DLG1: variants seen among roughly 807,000 people sequenced by gnomAD.
The protein encoded by DLG1 is discs large MAGUK scaffold protein 1.
DLG1 carries 42 observed loss-of-function variants against 123.4 expected under a neutral mutation model. That is an observed-to-expected ratio of 0.34 (90% CI 0.27 to 0.44). The LOEUF (loss-of-function observed/expected upper bound fraction) is 0.44. Ranked by LOEUF, DLG1 falls within the 20% of genes least tolerant of loss-of-function variation. DLG1 has a pLI of 1.00. For synonymous variants in DLG1, 317 were observed against 356.2 expected (o/e 0.89, Z 1.24); for missense variants, 942 against 1,082.6 (o/e 0.87, Z 1.82).
chr3:197,177,997 C>G (rs905809776), intron 5 of DLG1, among the ~76,000 whole-genome samples: 1 of 152,114 alleles, frequency 6.6e-6, no homozygotes, highest in Non-Finnish European at 1.5e-5. Flanking sequence ...CAAATATTTT[C>G]TGGTTATCTA....
chr3:197,156,192 A>G (rs1452849861), intron 5 of DLG1, among the ~76,000 whole-genome samples: 1 of 152,194 alleles, frequency 6.6e-6, no homozygotes, highest in Admixed American at 6.5e-5. Flanking sequence ...GAGCAGTTAA[A>G]GGGGCAGAGG....
intron 4 of DLG1, among the ~76,000 whole-genome samples, chr3:197,209,227 T>C (rs1342061295): frequency 2.1e-5 from 3 of 146,056 alleles, no homozygotes; most frequent in Non-Finnish European, 4.6e-5. Context: ...ACTGTAAGCA[T>C]AAGAAAGCTA....
intron 5 of DLG1, among the ~76,000 whole-genome samples, chr3:197,179,834 T>G (rs1225530197): frequency 6.6e-6 from 1 of 152,166 alleles, no homozygotes; most frequent in Non-Finnish European, 1.5e-5. Flanking sequence ...TTTTAAAGTG[T>G]ACAAATTAGC....
chr3:197,173,822 C>T (rs1805573996), intron 5 of DLG1, among the ~76,000 whole-genome samples: 1 of 152,092 alleles, frequency 6.6e-6, no homozygotes, highest in Admixed American at 6.5e-5. Flanking sequence ...ATTTACAAGC[C>T]AGGCATGGTG....
At chr3:197,296,217 C>G (rs964702713) in intron 3 of DLG1, 129 bp downstream of exon 3, 2 of 885,946 alleles carry the variant, frequency 2.3e-6, no homozygotes, top group Non-Finnish European at 3.4e-6. Flanking sequence ...ACACACAACT[C>G]ACTGAAGATG....
At chr3:197,190,810 A>G (rs1345997832) in intron 5 of DLG1, among the ~76,000 whole-genome samples, 1 of 152,190 alleles carries the variant, frequency 6.6e-6, no homozygotes, top group African/African-American at 2.4e-5. Flanking sequence ...GGAGATCGAG[A>G]CCATCCTGGC....
intron 4 of DLG1, among the ~76,000 whole-genome samples, chr3:197,220,126 T>C (rs1736188707): frequency 6.6e-6 from 1 of 152,232 alleles, no homozygotes; most frequent in South Asian, 2.1e-4. Context: ...TACGGGCAGA[T>C]TTCCTTTGTT....
At chr3:197,299,048 G>C (rs1778696650), upstream of DLG1, 1 of 152,458 alleles carries the variant, frequency 6.6e-6, no homozygotes, top group Middle Eastern at 3.2e-3. Context: ...AACTCACCCG[G>C]AGTCGCGCCC....
chr3:197,183,563 G>C, intron 5 of DLG1: 1 of 1,546,510 alleles, frequency 6.5e-7, no homozygotes, highest in Non-Finnish European at 8.7e-7. Context: ...ATTTCAACAA[G>C]TGGTATGTTA....
chr3:197,107,648 G>C lies in DLG1; in HGVS notation c.1444-2643C>G, dbSNP rs192358778. ...CTTAAGTATTTTATTCTTTTTGATA[G>C]TATTATAAATCAATGTTTTCTTTGT... On this transcript the variant is annotated intron_variant, in intron 13 of 24. Coordinates refer to ENST00000667157, the MANE Select transcript of DLG1 (RefSeq NM_001366207.1). Among the ~76,000 whole-genome samples, 780 of 151,504 alleles carry C rather than the reference G, an allele frequency of 5.1e-3. 6 individuals carry two copies. Among genetic ancestry groups the C allele is most frequent in the African/African-American group, 0.018 (735 of 41,194 alleles).
At chr3:197,284,826 T>G (rs1771042876) in intron 3 of DLG1, among the ~76,000 whole-genome samples, 1 of 152,136 alleles carries the variant, frequency 6.6e-6, no homozygotes, top group Non-Finnish European at 1.5e-5. Context: ...CTTATCACAG[T>G]CTATTCCTCA....
At chr3:197,288,985 T>C (rs73894323) in intron 3 of DLG1, among the ~76,000 whole-genome samples, 1,623 of 152,156 alleles carry the variant, frequency 0.011, 25 homozygotes, top group African/African-American at 0.037. Flanking sequence ...TTCCTTTAGG[T>C]AGTCTGAGTT....
intron 5 of DLG1, among the ~76,000 whole-genome samples, chr3:197,173,520 G>C (rs191885280): frequency 1.7e-3 from 252 of 152,098 alleles, no homozygotes; most frequent in Non-Finnish European, 1.3e-4. Context: ...TCTAAAGATG[G>C]TACACTTACC....
At chr3:197,085,796 AAT>A in intron 15 of DLG1, 40 bp from the exon 16 acceptor site, 1 of 1,564,840 alleles carries the variant, frequency 6.4e-7, no homozygotes, top group Admixed American at 1.8e-5. Flanking sequence ...CACTTGTTAT[AAT>A]ATTAATCAAC....
At chr3:197,085,780 C>A in intron 15 of DLG1, 24 bp from the exon 16 acceptor site, 1 of 1,596,822 alleles carries the variant, frequency 6.3e-7, no homozygotes, top group South Asian at 1.1e-5. Context: ...AAAAAAAGTC[C>A]ATAATCACTT....
chr3:197,137,045 T>C (rs1399169770), intron 9 of DLG1, among the ~76,000 whole-genome samples: 1 of 152,226 alleles, frequency 6.6e-6, no homozygotes, highest in Non-Finnish European at 1.5e-5. Context: ...AATAACAACA[T>C]TGTCTGGTGA....
intron 5 of DLG1, among the ~76,000 whole-genome samples, chr3:197,188,213 T>C (rs1271027836): frequency 1.3e-5 from 2 of 152,230 alleles, no homozygotes; most frequent in Non-Finnish European, 2.9e-5. Context: ...CTACAGTTTC[T>C]TGTGATTGTC....
chr3:197,209,030 TTTAA>T (rs139242642), intron 4 of DLG1, among the ~76,000 whole-genome samples: 2,748 of 146,224 alleles, frequency 0.019, 368 homozygotes, highest in Non-Finnish European at 0.03. Flanking sequence ...GTTAACTGAT[TTTAA>T]TTAATAATTA....
intron 22 of DLG1, among the ~76,000 whole-genome samples, chr3:197,065,052 T>C (rs1309863594): frequency 6.6e-6 from 1 of 151,678 alleles, no homozygotes; most frequent in Admixed American, 6.6e-5. Flanking sequence ...AAATAACTTC[T>C]CTTACATTCA....
Sources: allele counts gnomAD v4.1 joint callset (sites outside exome capture counted in the v4.1 genomes callset), GRCh38; gene constraint gnomAD v4.1.1; transcripts MANE v1.5; gene names NCBI Gene and HGNC (gene_info 2026-07-23, HGNC 2026-07-21).